Variants in MECOM observed in about 807,000 individuals in gnomAD.
MECOM encodes the protein histone-lysine N-methyltransferase MECOM.
In MECOM, 13 loss-of-function variants were observed where a neutral mutation model predicts 116.3. The ratio of observed to expected loss-of-function variants is 0.11; its 90% CI spans 0.07 to 0.18. MECOM has a LOEUF of 0.18. Among genes scored for constraint, MECOM ranks in the 10% least tolerant of loss-of-function variants. The pLI, the probability that MECOM is intolerant of heterozygous loss-of-function variation, is 1.00. For synonymous variants in MECOM, 528 were observed against 535.2 expected (o/e 0.99, Z 0.19); for missense variants, 1,299 against 1,509.0 (o/e 0.86, Z 2.31).
At chr3:169,107,687 T>C (rs186723269) in intron 10 of MECOM, among the ~76,000 whole-genome samples, 1 of 152,334 alleles carries the variant, frequency 6.6e-6, no homozygotes, top group East Asian at 1.9e-4. Context: ...GGTATAATTA[T>C]GTGGAATGCA....
intron 1 of MECOM, among the ~76,000 whole-genome samples, chr3:169,468,463 C>T (rs770012385): frequency 1.4e-4 from 21 of 152,080 alleles, no homozygotes; most frequent in Non-Finnish European, 1.6e-4. Context: ...AAAATGTAAG[C>T]TCTGTGTAGA....
intron 1 of MECOM, among the ~76,000 whole-genome samples, chr3:169,502,776 T>A (rs575013282): frequency 1.3e-5 from 2 of 152,202 alleles, no homozygotes; most frequent in Non-Finnish European, 2.9e-5. Context: ...TAATTTTGGA[T>A]AGTTATAAGT....
intron 1 of MECOM, among the ~76,000 whole-genome samples, chr3:169,494,411 A>G (rs114267769): frequency 6.6e-6 from 1 of 152,138 alleles, no homozygotes; most frequent in Non-Finnish European, 1.5e-5. Context: ...TCATGTTGCT[A>G]TGCTTTGCAA....
At chr3:169,259,897 CA>C (rs1757339367) in intron 2 of MECOM, among the ~76,000 whole-genome samples, 1 of 152,208 alleles carries the variant, frequency 6.6e-6, no homozygotes, top group Non-Finnish European at 1.5e-5. Context: ...CCCAACTTCA[CA>C]AATCACTTGT....
At chr3:169,475,840 G>A (rs1184253138) in intron 1 of MECOM, among the ~76,000 whole-genome samples, 1 of 152,086 alleles carries the variant, frequency 6.6e-6, no homozygotes, top group African/African-American at 2.4e-5. Context: ...CTGCTAGTTA[G>A]GAGCTAGCAT....
At chr3:169,532,354 T>C (rs577267578) in intron 1 of MECOM, among the ~76,000 whole-genome samples, 1 of 152,260 alleles carries the variant, frequency 6.6e-6, no homozygotes, top group South Asian at 2.1e-4. Flanking sequence ...GACATTGAAA[T>C]AGAAATCACT....
At chr3:169,458,167 C>A (rs2097788371) in intron 1 of MECOM, among the ~76,000 whole-genome samples, 1 of 152,312 alleles carries the variant, frequency 6.6e-6, no homozygotes, top group Middle Eastern at 3.4e-3. Context: ...TCAGTTTTAA[C>A]ACTCAGGTTA....
intron 1 of MECOM, among the ~76,000 whole-genome samples, chr3:169,497,349 T>C (rs1261565675): frequency 7.2e-6 from 1 of 138,402 alleles, no homozygotes; most frequent in Admixed American, 7.9e-5. Context: ...TTTCTTTTTC[T>C]TTTTTTTTTC....
chr3:169,212,597 T>A, intron 2 of MECOM, among the ~76,000 whole-genome samples: 1 of 144,402 alleles, frequency 6.9e-6, no homozygotes, highest in Non-Finnish European at 1.5e-5. Context: ...GCTCTTGACC[T>A]TTCTATTATA....
chr3:169,474,209 G>A (rs760122145), intron 1 of MECOM, among the ~76,000 whole-genome samples: 2 of 152,196 alleles, frequency 1.3e-5, no homozygotes, highest in Non-Finnish European at 2.9e-5. Context: ...CCACTAGGAA[G>A]ACAACTGTCT....
intron 2 of MECOM, among the ~76,000 whole-genome samples, chr3:169,295,206 A>G (rs904816158): frequency 6.6e-6 from 1 of 152,086 alleles, no homozygotes; most frequent in Non-Finnish European, 1.5e-5. Flanking sequence ...ACTTTTATCT[A>G]TTTTATATAT....
chr3:169,313,307 T>G (rs1719142576), intron 2 of MECOM, among the ~76,000 whole-genome samples: 1 of 151,796 alleles, frequency 6.6e-6, no homozygotes, highest in Non-Finnish European at 1.5e-5. Context: ...AATTGCAGTG[T>G]TTTGCTCTAA....
intron 13 of MECOM, 116 bp downstream of exon 13, chr3:169,094,960 T>A: frequency 1.1e-6 from 1 of 896,384 alleles, no homozygotes; most frequent in East Asian, 2.9e-5. Flanking sequence ...ATTTTTACAA[T>A]AAGACCTGAT....
At chr3:169,173,265 T>C (rs567509696) in intron 2 of MECOM, among the ~76,000 whole-genome samples, 62 of 152,282 alleles carry the variant, frequency 4.1e-4, no homozygotes, top group Non-Finnish European at 8.4e-4. Context: ...GATGCTCTCC[T>C]GGGATCATTT....
At chr3:169,217,050 C>A (rs1044815161) in intron 2 of MECOM, among the ~76,000 whole-genome samples, 12 of 152,136 alleles carry the variant, frequency 7.9e-5, no homozygotes, top group Non-Finnish European at 1.8e-4. Context: ...TCTGTGGGTT[C>A]ATTTTGACTT....
chr3:169,605,604 C>T (rs971886934), intron 1 of MECOM, among the ~76,000 whole-genome samples: 2 of 152,064 alleles, frequency 1.3e-5, no homozygotes, highest in Non-Finnish European at 1.5e-5. Flanking sequence ...CACTGGAAGG[C>T]AGGAGGTGAT....
chr3:169,477,430 G>T (rs1172522585), intron 1 of MECOM, among the ~76,000 whole-genome samples: 1 of 151,930 alleles, frequency 6.6e-6, no homozygotes, highest in Non-Finnish European at 1.5e-5. Flanking sequence ...ATCCTTGCAA[G>T]GTATAAAAGA....
chr3:169,236,444 A>G (rs1452470907), intron 2 of MECOM, among the ~76,000 whole-genome samples: 5 of 152,218 alleles, frequency 3.3e-5, no homozygotes, highest in African/African-American at 1.2e-4. Context: ...GAATACATAA[A>G]TGAATAAGGG....
intron 1 of MECOM, among the ~76,000 whole-genome samples, chr3:169,471,076 C>T (rs1031561742): frequency 3.6e-4 from 54 of 151,998 alleles, no homozygotes; most frequent in Non-Finnish European, 6.6e-4. Flanking sequence ...ATACCCCCAT[C>T]CCCACCCCAG....
Sources: gnomAD v4.1 joint callset for allele counts (sites outside exome capture counted in the v4.1 genomes callset) on GRCh38, gnomAD v4.1.1 for gene constraint, MANE v1.5 for transcripts, NCBI Gene and HGNC (gene_info 2026-07-23, HGNC 2026-07-21) for gene names.